The following CEACAM1 variants were observed in gnomAD, a reference collection of about 807,000 sequenced individuals.
The protein encoded by CEACAM1 is cell adhesion molecule CEACAM1.
A neutral mutation model predicts 49.1 loss-of-function variants in CEACAM1; 31 were observed. That is an observed-to-expected ratio of 0.63 (90% CI 0.47 to 0.85). The LOEUF (loss-of-function observed/expected upper bound fraction) is 0.85. Ranked by LOEUF, CEACAM1 falls within the 40% of genes least tolerant of loss-of-function variation. CEACAM1 has a pLI of 0.00. For missense variants in CEACAM1, 570 were observed against 645.3 expected (o/e 0.88, Z 1.26); for synonymous variants, 244 against 247.8 (o/e 0.98, Z 0.14).
At chr19:42,517,748 A>T (rs1343123936) in intron 5 of CEACAM1, among the ~76,000 whole-genome samples, 2 of 152,242 alleles carry the variant, frequency 1.3e-5, no homozygotes, top group Non-Finnish European at 2.9e-5. Flanking sequence ...GTGAAATGGT[A>T]TAGCCACTGT....
At position 42,521,508 on chromosome 19, in the gene CEACAM1, G is replaced by T; in HGVS notation, c.717C>A (p.Thr239=). The T allele has an allele frequency of 6.2e-7, 1 of 1,613,922 alleles. No individual in the cohort carries two copies. The highest frequency in any genetic ancestry group is 8.5e-7 in the Non-Finnish European group (1 of 1,179,900). The change falls in exon 4 of 9, where the codon ACC becomes ACA. Residue 239 remains threonine, a synonymous_variant. Coordinates refer to ENST00000161559, the MANE Select transcript of CEACAM1 (RefSeq NM_001712.5). The part of the protein sequence containing the change: ...VTLNVTYGPD[T]PTISPSDTYY... ...AGGTGTCTGAAGGGGAAATGGTGGGGGTGTCCGGGCCATCTGGAGCAAAGA... is the reference window on the plus strand; with the variant it reads ...AGGTGTCTGAAGGGGAAATGGTGGGTGTGTCCGGGCCATCTGGAGCAAAGA...
intron 5 of CEACAM1, chr19:42,514,868 A>G (rs1336893451): frequency 2.0e-6 from 1 of 498,044 alleles, no homozygotes; most frequent in East Asian, 3.4e-5. Context: ...GGACTACCTG[A>G]TTTCAAGGCT....
At chr19:42,520,288 G>T (rs1171135849) in intron 4 of CEACAM1, among the ~76,000 whole-genome samples, 1 of 152,200 alleles carries the variant, frequency 6.6e-6, no homozygotes, top group Non-Finnish European at 1.5e-5. Flanking sequence ...CATACAGCTG[G>T]TGACTTCAGA....
At chr19:42,513,545 C>T (rs949739412) in intron 5 of CEACAM1, among the ~76,000 whole-genome samples, 3 of 150,884 alleles carry the variant, frequency 2.0e-5, no homozygotes, top group African/African-American at 4.9e-5. Context: ...TTCAGTGAGC[C>T]GAGATCACAC....
At position 42,509,019 on chromosome 19, in the gene CEACAM1, C is replaced by G. The variant is rs917198640; in HGVS notation, c.*90G>C. On this transcript the variant is annotated 3_prime_UTR_variant, in exon 9 of 9. Transcript: ENST00000161559. Reference sequence around the variant, plus strand: ...GGAGAAAGTTGTTTCTGTCCCCACCCCTCTACCCCTACAGGGGAAAGGAAT... The same window carrying G: ...GGAGAAAGTTGTTTCTGTCCCCACCGCTCTACCCCTACAGGGGAAAGGAAT... The G allele has an allele frequency of 6.5e-7, 1 of 1,532,376 alleles. No individual in the cohort carries two copies. The highest frequency in any genetic ancestry group is 1.7e-5 in the Admixed American group (1 of 58,146). The allele number at this position is 1,532,376 out of a possible 1,614,324, so 94.9% of individuals were successfully genotyped here. A position where few individuals can be genotyped will look rare whatever the true frequency, so the allele number is the denominator to read the frequency against.
At position 42,512,354 on chromosome 19, in the gene CEACAM1, C is replaced by T. The variant is rs774739819; in HGVS notation, c.1372G>A (p.Gly458Ser). 2.4e-5 allele frequency: 38 copies of T among 1,613,858 alleles called. No individual in the cohort carries two copies. The highest frequency in any genetic ancestry group is 4.0e-5 in the African/African-American group (3 of 74,908). ...LACFLHFGKT[G>S]RASDQRDLTE... ...CAAGAGGAAAGGCCATCATACCTGC[C>T]GGTCTTCCCGAAATGCAGAAAACAT... The change falls in exon 6 of 9, where the codon GGC (glycine) becomes AGC (serine). Residue 458 changes from glycine to serine, a missense_variant. Gly to Ser is a moderately conservative substitution (Grantham distance 56). Transcript: ENST00000161559.
intron 5 of CEACAM1, chr19:42,515,175 A>G: frequency 1.9e-6 from 1 of 535,826 alleles, no homozygotes; most frequent in Non-Finnish European, 3.3e-6. Flanking sequence ...AGGTGAGGGA[A>G]TTGCTTGAGC....
rs745983659 is a variant in CEACAM1, at chr19:42,528,433, T to C, written c.-59A>G. The stretch of plus-strand genomic sequence containing the variant: ...AGGAGAGCTTGGGCTCCAGGAACGC[T>C]TCGAGCACGGCTGCTCTGTCACCTC... On this transcript the variant is annotated 5_prime_UTR_variant, in exon 1 of 9. Transcript: ENST00000161559. 11 of 1,544,748 alleles carry C rather than the reference T, an allele frequency of 7.1e-6. No individual in the cohort carries two copies. The East Asian group carries it at 2.3e-4, about 32-fold the overall frequency.
At chr19:42,527,548 T>C (rs868207901) in intron 1 of CEACAM1, 148 bp from the exon 2 acceptor site, 4 of 1,041,200 alleles carry the variant, frequency 3.8e-6, no homozygotes, top group Non-Finnish European at 2.7e-6. Flanking sequence ...TGTGTGTGTG[T>C]CCTACTGGGT....
At chr19:42,526,934 G>A in intron 2 of CEACAM1, 107 bp downstream of exon 2, 1 of 1,513,330 alleles carries the variant, frequency 6.6e-7, no homozygotes, top group Non-Finnish European at 8.9e-7. Flanking sequence ...ACCTTAACAT[G>A]GGGTATAATG....
intron 2 of CEACAM1, among the ~76,000 whole-genome samples, chr19:42,524,000 G>A (rs1245294555): frequency 6.6e-6 from 1 of 152,182 alleles, no homozygotes; most frequent in Admixed American, 6.5e-5. Context: ...TGTATGTTAT[G>A]TTAGTAAATT....
rs200148948 is a variant in CEACAM1 at position 42,519,133 on chromosome 19, C to T, written c.1061G>A (p.Gly354Glu). ...VNLTCSTNDT[G>E]ISIRWFFKNQ... is the part of the protein sequence containing the mutation. ...TTTGAAGAACCAACGGATGGAGATT[C>T]CAGTGTCATTTGTGGAGCAGGTCAG... Residue 354 changes from glycine (G) to glutamate (E), a missense_variant, in exon 5 of 9, where the codon GGA becomes GAA. Transcript: ENST00000161559. 6.2e-7 allele frequency: 1 copy of T among 1,614,120 alleles called. No individual in the cohort carries two copies. Among genetic ancestry groups the T allele is most frequent in the East Asian group, 2.2e-5 (1 of 44,876 alleles).
chr19:42,515,689 A>C (rs2041583602), intron 5 of CEACAM1, among the ~76,000 whole-genome samples: 1 of 152,206 alleles, frequency 6.6e-6, no homozygotes, highest in South Asian at 2.1e-4. Context: ...TTCTTCAAAA[A>C]AGATCACTAT....
intron 1 of CEACAM1, chr19:42,527,643 G>GC: frequency 2.0e-6 from 1 of 494,124 alleles, no homozygotes; most frequent in South Asian, 3.5e-5. Context: ...GATCCGCATG[G>GC]CTCCCTCCCC....
In CEACAM1 at chr19:42,510,913, G is replaced by T; in HGVS notation, c.1437C>A (p.Asp479Glu). 1 of 1,614,014 alleles carries T rather than the reference G, an allele frequency of 6.2e-7. No individual in the cohort carries two copies. Among genetic ancestry groups the T allele is most frequent in the Non-Finnish European group, 8.5e-7 (1 of 1,179,878 alleles). The change falls in exon 8 of 9, where the codon GAC (aspartate) becomes GAA (glutamate). Residue 479 changes from aspartate to glutamate, a missense_variant. Physicochemically the swap from Asp to Glu is conservative, Grantham distance 45. Coordinates refer to ENST00000161559, the MANE Select transcript of CEACAM1 (RefSeq NM_001712.5). ...CCTTGTTAGGTGGGTCATTGGAGTG[G>T]TCCTGAGCTGGAGAAGCAAAAGAAG... ...HKPSVSNHTQ[D>E]HSNDPPNKMN...
chr19:42,507,879 A>G lies in CEACAM1; in HGVS notation c.*1230T>C, dbSNP rs1226270194. 1 of 152,262 alleles carries G rather than the reference A, an allele frequency of 6.6e-6. No individual in the cohort carries two copies. The highest frequency in any genetic ancestry group is 1.5e-5 in the Non-Finnish European group (1 of 68,062). The allele number at this position is 152,262 out of a possible 1,614,324, so 9.4% of individuals were successfully genotyped here. ...TAGCAGAGGCCAAGGTTTCCTGACA[A>G]AGTGAATGGGGGCAAACAGAAAATG... On this transcript the variant is annotated 3_prime_UTR_variant, in exon 9 of 9. Transcript: ENST00000161559.
At position 42,521,422 on chromosome 19, in the gene CEACAM1, T is replaced by C. The variant is rs1473624031; in HGVS notation, c.803A>G (p.Gln268Arg). The C allele has an allele frequency of 5.0e-6, 8 of 1,614,228 alleles. No individual in the cohort carries two copies. Among genetic ancestry groups the C allele is most frequent in the Non-Finnish European group, 6.8e-6 (8 of 1,180,040 alleles). ...TGTTCCATTGATAAGCCAGGAGTAC[T>C]GTGCAGGTGGGTTAGAGGCTGCATA... Reference protein sequence around the residue: ...SCYAASNPPAQYSWLINGTFQ... With the variant: ...SCYAASNPPARYSWLINGTFQ... The change falls in exon 4 of 9, where the codon CAG (glutamine) becomes CGG (arginine). Residue 268 changes from glutamine (Q) to arginine (R), a missense_variant. By Grantham distance (43) the Gln-to-Arg change is conservative. Coordinates refer to ENST00000161559, the MANE Select transcript of CEACAM1 (RefSeq NM_001712.5).
chr19:42,511,718 C>T (rs1490190469), intron 6 of CEACAM1, 90 bp from the exon 7 acceptor site: 5 of 1,226,814 alleles, frequency 4.1e-6, no homozygotes, highest in Non-Finnish European at 6.0e-6. Flanking sequence ...CAGGTAATTC[C>T]TTAGAGTCCT....
intron 4 of CEACAM1, 120 bp downstream of exon 4, chr19:42,521,147 T>A: frequency 9.3e-7 from 1 of 1,075,196 alleles, no homozygotes; most frequent in Middle Eastern, 2.1e-4. Flanking sequence ...AGGGGAGAAT[T>A]TGGACTTGTT....
Sources: allele counts gnomAD v4.1 joint callset (sites outside exome capture counted in the v4.1 genomes callset), GRCh38; gene constraint gnomAD v4.1.1; transcripts MANE v1.5; gene names NCBI Gene and HGNC (gene_info 2026-07-23, HGNC 2026-07-21).